Variants in ACACA observed in about 807,000 individuals in gnomAD.
The protein encoded by ACACA is acetyl-CoA carboxylase 1.
ACACA carries 103 observed loss-of-function variants against 296.1 expected under a neutral mutation model. The ratio of observed to expected loss-of-function variants is 0.35; its 90% CI spans 0.30 to 0.41. ACACA has a LOEUF of 0.41. Ranked by LOEUF, ACACA falls within the 10% of genes least tolerant of loss-of-function variation. The probability of loss-of-function intolerance (pLI) is 1.00; values close to 1 mark genes in which losing one functional copy is unlikely to be tolerated. For synonymous variants in ACACA, 953 were observed against 1,038.6 expected, an observed-to-expected ratio of 0.92 and a Z score of 1.58; for missense variants, 1,554 against 2,989.7, an observed-to-expected ratio of 0.52 and a Z score of 11.20.
intron 35 of ACACA, among the ~76,000 whole-genome samples, chr17:37,199,526 A>G (rs1357632313): frequency 6.6e-6 from 1 of 152,214 alleles, no homozygotes; most frequent in Non-Finnish European, 1.5e-5. Context: ...AAATGGGAGA[A>G]TAAGCAACAG....
At chr17:37,349,670 C>A (rs988047263) in intron 1 of ACACA, among the ~76,000 whole-genome samples, 2 of 151,058 alleles carry the variant, frequency 1.3e-5, no homozygotes, top group Non-Finnish European at 2.9e-5. Context: ...AATTCTTCTG[C>A]CTCAGCATCC....
chr17:37,164,466 T>C (rs768914701), intron 41 of ACACA, among the ~76,000 whole-genome samples: 10 of 152,070 alleles, frequency 6.6e-5, no homozygotes, highest in Non-Finnish European at 1.3e-4. Flanking sequence ...TATCATACCA[T>C]TGGCCAAATA....
At chr17:37,173,464 C>G (rs777252582) in intron 41 of ACACA, among the ~76,000 whole-genome samples, 3 of 152,038 alleles carry the variant, frequency 2.0e-5, no homozygotes, top group Non-Finnish European at 4.4e-5. Context: ...CTACCAACTC[C>G]TAAATTGTTT....
At chr17:37,367,012 CG>C (rs1393191085) in intron 1 of ACACA, 1 of 151,842 alleles carries the variant, frequency 6.6e-6, no homozygotes, top group Non-Finnish European at 1.5e-5. Flanking sequence ...CCGTTGAATC[CG>C]GGAGGCGGAG....
chr17:37,161,575 A>G, intron 42 of ACACA: 2 of 642,420 alleles, frequency 3.1e-6, no homozygotes, highest in South Asian at 4.2e-5. Flanking sequence ...TGTTTTATAG[A>G]TGGAAGAAAA....
chr17:37,168,577 A>G (rs2076771289), intron 41 of ACACA, among the ~76,000 whole-genome samples: 1 of 152,296 alleles, frequency 6.6e-6, no homozygotes, highest in African/African-American at 2.4e-5. Flanking sequence ...TTGATTTCCC[A>G]TATTTTAGAG....
chr17:37,155,363 T>C (rs918637555), intron 43 of ACACA, among the ~76,000 whole-genome samples: 3 of 152,162 alleles, frequency 2.0e-5, no homozygotes, highest in Admixed American at 1.3e-4. Flanking sequence ...GATATGTCTA[T>C]AGAAAAGACA....
chr17:37,230,580 C>T (rs1849538802), intron 25 of ACACA, among the ~76,000 whole-genome samples: 1 of 152,134 alleles, frequency 6.6e-6, no homozygotes, highest in Non-Finnish European at 1.5e-5. Context: ...TATAGAATAA[C>T]TTCCTCAACC....
At chr17:37,298,584 G>A (rs1182921565) in intron 3 of ACACA, among the ~76,000 whole-genome samples, 1 of 152,160 alleles carries the variant, frequency 6.6e-6, no homozygotes, top group East Asian at 1.9e-4. Context: ...CTACCCAGGA[G>A]GCTGAGGTGG....
intron 38 of ACACA, among the ~76,000 whole-genome samples, chr17:37,190,592 A>G (rs2077713873): frequency 6.6e-6 from 1 of 152,082 alleles, no homozygotes; most frequent in Admixed American, 6.5e-5. Context: ...AAGAAAATAT[A>G]CATAATACAT....
chr17:37,365,553 A>G, intron 1 of ACACA: 1 of 985,448 alleles, frequency 1.0e-6, no homozygotes, highest in Non-Finnish European at 1.2e-6. Flanking sequence ...AGAATTCATC[A>G]AGAAAGTCAG....
chr17:37,141,976 CCA>C (rs1170016998), intron 45 of ACACA, among the ~76,000 whole-genome samples: 1 of 151,524 alleles, frequency 6.6e-6, no homozygotes, highest in Non-Finnish European at 1.5e-5. Flanking sequence ...CAGGCATGAG[CCA>C]CCATGCCTGG....
intron 1 of ACACA, chr17:37,359,129 G>T: frequency 1.0e-6 from 1 of 985,504 alleles, no homozygotes; most frequent in Non-Finnish European, 1.2e-6. Flanking sequence ...CCGGCACACG[G>T]AGAAGGGGCG....
chr17:37,188,669 A>G (rs889698230), intron 38 of ACACA, among the ~76,000 whole-genome samples, 189 bp from the exon 39 acceptor site: 1 of 152,108 alleles, frequency 6.6e-6, no homozygotes, highest in Non-Finnish European at 1.5e-5. Flanking sequence ...GTCAGGGACA[A>G]TTTCATGCTG....
chr17:37,339,564 A>T (rs370036133), intron 2 of ACACA, among the ~76,000 whole-genome samples: 1 of 152,352 alleles, frequency 6.6e-6, no homozygotes, highest in East Asian at 1.9e-4. Flanking sequence ...AGCTGTCCAG[A>T]CACTCTAGAA....
chr17:37,399,369 A>C, intron 1 of ACACA, among the ~76,000 whole-genome samples: 1 of 152,164 alleles, frequency 6.6e-6, no homozygotes, highest in East Asian at 1.9e-4. Flanking sequence ...ATTATATTAA[A>C]CAATGCCAAG....
intron 3 of ACACA, among the ~76,000 whole-genome samples, chr17:37,311,884 A>G (rs536393647): frequency 2.4e-4 from 36 of 151,778 alleles, no homozygotes; most frequent in African/African-American, 6.0e-4. Context: ...AAAAAAAAAA[A>G]AAGAAGAAGA....
rs1027624729 is a variant in ACACA at position 37,239,040 on chromosome 17, G to A, written c.3121+1436C>T. Among the ~76,000 whole-genome samples, 7 of 152,030 alleles carry A rather than the reference G, an allele frequency of 4.6e-5. No homozygotes were observed. The East Asian group carries it at 1.2e-3, about 25-fold the overall frequency. On this transcript the variant is annotated intron_variant, in intron 24 of 55. Transcript: ENST00000616317. The stretch of plus-strand genomic sequence containing the variant: ...GATGGGGTCTCACTATATTGCCAAG[G>A]CTGGTCTCAAACTCCTGGCCTCAAG...
chr17:37,134,265 C>T (rs540098054), intron 45 of ACACA, among the ~76,000 whole-genome samples: 8 of 152,186 alleles, frequency 5.3e-5, no homozygotes, highest in Admixed American at 3.3e-4. Flanking sequence ...AATATACCGC[C>T]TGCTCTCTCC....
Sources: allele counts gnomAD v4.1 joint callset (sites outside exome capture counted in the v4.1 genomes callset), GRCh38; gene constraint gnomAD v4.1.1; transcripts MANE v1.5; gene names NCBI Gene and HGNC (gene_info 2026-07-23, HGNC 2026-07-21).